Variants in ARMC9 observed in about 807,000 individuals in gnomAD.
ARMC9 encodes the protein armadillo repeat containing 9.
Under a neutral mutation model 107.0 loss-of-function variants are expected in ARMC9, and 94 were observed. That is an observed-to-expected ratio of 0.88 (90% CI 0.74 to 1.04). The LOEUF (loss-of-function observed/expected upper bound fraction) is 1.04, where lower values mean the gene tolerates loss of function less well. ARMC9 is among the 50% of genes least tolerant of loss of function. The pLI is 0.00. For synonymous variants in ARMC9, 380 were observed against 396.9 expected (o/e 0.96, Z 0.51); for missense variants, 942 against 1,030.1 (o/e 0.91, Z 1.17).
chr2:231,239,716 T>C (rs996816846), intron 8 of ARMC9, among the ~76,000 whole-genome samples: 1 of 152,250 alleles, frequency 6.6e-6, no homozygotes, highest in Non-Finnish European at 1.5e-5. Flanking sequence ...TGATGTCTCA[T>C]GAGCACACCT....
At chr2:231,256,446 T>TAAA (rs376282515) in intron 9 of ARMC9, 140 bp from the exon 10 acceptor site, 3 of 955,426 alleles carry the variant, frequency 3.1e-6, no homozygotes, top group South Asian at 3.5e-5. Context: ...TGTTTCAAGT[T>TAAA]AAAAAAAAAA....
rs1052276098 is a variant in ARMC9, at chr2:231,373,469, T to G, written c.*1934T>G. 1 of 152,208 alleles carries G rather than the reference T, an allele frequency of 6.6e-6. No individual in the cohort carries two copies. Among genetic ancestry groups the G allele is most frequent in the Admixed American group, 6.5e-5 (1 of 15,268 alleles). 9.4% of individuals were successfully genotyped at this position (152,208 alleles called of 1,614,324 possible). A position where few individuals can be genotyped will look rare whatever the true frequency, so the allele number is the denominator to read the frequency against. ...CATCGGGGTCAGGTCAGTGTCTCCC[T>G]CGTCTGAAGTCAACCACTACTTTTC... On this transcript the variant is annotated 3_prime_UTR_variant, in exon 25 of 25. Transcript: ENST00000611582. The surrounding 1 kb of genome is among the most constrained non-coding windows in gnomAD (Gnocchi z 4.4).
At chr2:231,350,604 A>G (rs1182691067) in intron 21 of ARMC9, among the ~76,000 whole-genome samples, 1 of 148,876 alleles carries the variant, frequency 6.7e-6, no homozygotes. Flanking sequence ...CCTGGGCAAC[A>G]AAGTGAGACC....
At chr2:231,263,673 G>A (rs149448271) in intron 12 of ARMC9, among the ~76,000 whole-genome samples, 2 of 152,280 alleles carry the variant, frequency 1.3e-5, no homozygotes, top group East Asian at 1.9e-4. Context: ...GTGCATACAG[G>A]CAATACAATC....
At chr2:231,260,584 A>G (rs1212938210) in intron 11 of ARMC9, among the ~76,000 whole-genome samples, 2 of 152,198 alleles carry the variant, frequency 1.3e-5, no homozygotes, top group Non-Finnish European at 2.9e-5. Flanking sequence ...CGACGTATCC[A>G]GGATCCACAG....
chr2:231,326,421 T>C (rs1031612220), intron 19 of ARMC9, among the ~76,000 whole-genome samples: 1 of 152,234 alleles, frequency 6.6e-6, no homozygotes, highest in Non-Finnish European at 1.5e-5. Flanking sequence ...ATCTCCTCAG[T>C]AGCCCCTTCC....
chr2:231,223,779 G>A (rs1157406584), intron 6 of ARMC9, among the ~76,000 whole-genome samples: 3 of 152,220 alleles, frequency 2.0e-5, no homozygotes, highest in South Asian at 4.1e-4. Flanking sequence ...TGAGCCGAAC[G>A]GACTGATCTA....
chr2:231,273,822 T>C (rs1460135173), intron 14 of ARMC9, among the ~76,000 whole-genome samples: 1 of 152,194 alleles, frequency 6.6e-6, no homozygotes, highest in Non-Finnish European at 1.5e-5. Context: ...TTTACAGAGT[T>C]GTGCAGTCAT....
At chr2:231,328,677 A>G (rs778409715) in intron 19 of ARMC9, among the ~76,000 whole-genome samples, 1 of 152,016 alleles carries the variant, frequency 6.6e-6, no homozygotes, top group African/African-American at 2.4e-5. Context: ...GTTCCATTCC[A>G]TTGATCTATG....
At chr2:231,292,115 C>A (rs1191364520) in intron 18 of ARMC9, among the ~76,000 whole-genome samples, 1 of 151,366 alleles carries the variant, frequency 6.6e-6, no homozygotes, top group African/African-American at 2.4e-5. Flanking sequence ...TTGTAGTGAG[C>A]CGAGATTGCG....
intron 6 of ARMC9, 101 bp from the exon 7 acceptor site, chr2:231,226,673 T>C: frequency 1.4e-6 from 2 of 1,384,804 alleles, no homozygotes; most frequent in South Asian, 2.4e-5. Flanking sequence ...GAATTCTGTT[T>C]CATCATGCTG....
rs370669179 is a variant in ARMC9, at chr2:231,235,372, C to T, written c.771C>T (p.Ser257=). The T allele has an allele frequency of 1.2e-4, 191 of 1,613,948 alleles. 2 individuals are homozygous for T. In the South Asian group the frequency reaches 1.5e-3, roughly 13 times the overall value. ...ELVDSLEATV[S]GKMITPEYLQ... ...TGGATTCTCTAGAGGCCACAGTCAG[C>T]GGCAAGATGGTAAGGAAGATCCCTA... is the stretch of plus-strand genomic sequence containing the variant. The change falls in exon 8 of 25, where the codon AGC becomes AGT. Residue 257 remains serine (S), a synonymous_variant. Transcript: ENST00000611582.
intron 16 of ARMC9, among the ~76,000 whole-genome samples, chr2:231,280,642 A>G (rs1408586580): frequency 6.6e-6 from 1 of 152,208 alleles, no homozygotes. Flanking sequence ...AACTGACTAT[A>G]TGAACATTAC....
intron 17 of ARMC9, among the ~76,000 whole-genome samples, chr2:231,283,245 G>A (rs1449368652): frequency 6.6e-6 from 1 of 152,144 alleles, no homozygotes; most frequent in African/African-American, 2.4e-5. Context: ...AGTTCCAGAA[G>A]GAGACGAATG....
chr2:231,324,288 C>T (rs953811031), intron 19 of ARMC9, among the ~76,000 whole-genome samples: 13 of 151,418 alleles, frequency 8.6e-5, no homozygotes, highest in East Asian at 5.9e-4. Context: ...CCACCACGCC[C>T]AGCTAATTTT....
At chr2:231,366,856 A>C (rs545995424) in intron 23 of ARMC9, among the ~76,000 whole-genome samples, 2 of 150,388 alleles carry the variant, frequency 1.3e-5, no homozygotes, top group South Asian at 4.2e-4. Context: ...AAACCAAACA[A>C]ATTTTTTTTT....
intron 20 of ARMC9, among the ~76,000 whole-genome samples, chr2:231,337,469 GT>G (rs1172469791): frequency 3.2e-4 from 32 of 99,506 alleles, no homozygotes; most frequent in South Asian, 1.6e-3. Context: ...GCTAATTTTT[GT>G]TTTTTTTTTT....
intron 6 of ARMC9, 117 bp from the exon 7 acceptor site, chr2:231,226,657 C>T: frequency 2.4e-6 from 3 of 1,251,924 alleles, no homozygotes; most frequent in Non-Finnish European, 3.5e-6. Flanking sequence ...GCCCTCCCGG[C>T]TCCGAGAATT....
At chr2:231,233,510 C>T (rs2035431670) in intron 7 of ARMC9, among the ~76,000 whole-genome samples, 1 of 152,146 alleles carries the variant, frequency 6.6e-6, no homozygotes, top group Admixed American at 6.5e-5. Flanking sequence ...GGTGCGGTGG[C>T]TCACACCTGT....
Sources: gnomAD v4.1 joint callset for allele counts (sites outside exome capture counted in the v4.1 genomes callset) on GRCh38, gnomAD v4.1.1 for gene constraint, Gnocchi (gnomAD v3.1) non-coding constraint, MANE v1.5 for transcripts, NCBI Gene and HGNC (gene_info 2026-07-23, HGNC 2026-07-21) for gene names.